EPRS1: variants seen among roughly 807,000 people sequenced by gnomAD.
EPRS1 encodes glutamyl-prolyl-tRNA synthetase 1.
In EPRS1, 107 loss-of-function variants were observed where a neutral mutation model predicts 188.3. The observed-to-expected ratio is 0.57, with a 90% CI of 0.49 to 0.67. EPRS1 has a LOEUF of 0.67. Ranked by LOEUF, EPRS1 falls within the 30% of genes least tolerant of loss-of-function variation. The probability of loss-of-function intolerance (pLI) is 0.00; values close to 1 mark genes in which losing one functional copy is unlikely to be tolerated. For missense variants in EPRS1, 1,577 were observed against 1,802.2 expected, an observed-to-expected ratio of 0.88 and a Z score of 2.26; for synonymous variants, 596 against 593.1, an observed-to-expected ratio of 1.00 and a Z score of -0.07.
In EPRS1 at chr1:220,020,109, T is replaced by A. The variant is rs1661840111; in HGVS notation, c.1228A>T (p.Ile410Phe). 2 of 1,613,978 alleles carry A rather than the reference T, an allele frequency of 1.2e-6. No homozygotes were observed. Among genetic ancestry groups the A allele is most frequent in the African/African-American group, 2.7e-5 (2 of 75,056 alleles). Residue 410 changes from isoleucine to phenylalanine, a missense_variant, in exon 10 of 32, where the codon ATT becomes TTT. Transcript: ENST00000366923. The stretch of plus-strand genomic sequence containing the variant: ...GGTTTTCTTATGCCTAAAGCTTCAA[T>A]AATCCAGTAAAACTGCTCATCTCTG... ...HDRDEQFYWI[I>F]EALGIRKPYI...
intron 18 of EPRS1, among the ~76,000 whole-genome samples, chr1:219,995,782 A>G (rs925944015): frequency 2.0e-5 from 3 of 152,194 alleles, no homozygotes; most frequent in African/African-American, 7.2e-5. Context: ...TCAAATATTC[A>G]TGAATCAAAG....
rs961524532 is a variant in EPRS1 at position 220,009,906 on chromosome 1, C to T, written c.1605+1040G>A. Among the ~76,000 whole-genome samples the T allele has an allele frequency of 2.0e-5, 3 of 151,692 alleles. No homozygotes were observed. In the East Asian group the frequency reaches 5.8e-4, roughly 30 times the overall value. On this transcript the variant is annotated intron_variant, in intron 13 of 31. Transcript: ENST00000366923. Reference sequence around the variant, plus strand: ...GCCAGGAGTTCAAGACCAGCCTGGCCGCCAACATGGCAAAACCCCATCTCT... The same window carrying T: ...GCCAGGAGTTCAAGACCAGCCTGGCTGCCAACATGGCAAAACCCCATCTCT...
Position 220,007,244 on chromosome 1 carries a change from G to A in EPRS1, c.1700C>T (p.Thr567Ile), listed in dbSNP as rs150678903. 15 of 1,613,672 alleles carry A rather than the reference G, an allele frequency of 9.3e-6. No homozygotes were observed. Among genetic ancestry groups the A allele is most frequent in the Non-Finnish European group, 1.2e-5 (14 of 1,179,818 alleles). The change falls in exon 14 of 32, where the codon ACA (threonine) becomes ATA (isoleucine). Residue 567 changes from threonine (T) to isoleucine (I), a missense_variant. Coordinates refer to ENST00000366923, the MANE Select transcript of EPRS1 (RefSeq NM_004446.3). ...GTTGAGGTTGCCCCAATTTATAAAT[G>A]TAACCATCTCACCCTCCGAAAAAGT... Reference protein sequence around the residue: ...AETFSEGEMVTFINWGNLNIT... With the variant: ...AETFSEGEMVIFINWGNLNIT...
Position 219,969,039 on chromosome 1 carries a change from G to A in EPRS1, c.4388+19C>T. On this transcript the variant is annotated intron_variant, in intron 31 of 31. Transcript: ENST00000366923. ...TCCATTGCAATTTTTCAAAAGTTTT[G>A]CCAGTTAATTAGGTTTACCTGGCAG... The A allele has an allele frequency of 6.2e-7, 1 of 1,612,178 alleles. No individual in the cohort carries two copies. Among genetic ancestry groups the A allele is most frequent in the Non-Finnish European group, 8.5e-7 (1 of 1,178,348 alleles).
intron 12 of EPRS1, chr1:220,018,050 C>G: frequency 1.3e-6 from 1 of 784,592 alleles, no homozygotes; most frequent in African/African-American, 1.8e-5. Flanking sequence ...TGCTTCAAAG[C>G]CATATAACAT....
intron 28 of EPRS1, among the ~76,000 whole-genome samples, chr1:219,974,726 T>C (rs1660743227): frequency 6.6e-6 from 1 of 152,202 alleles, no homozygotes; most frequent in Non-Finnish European, 1.5e-5. Context: ...TATTACATTA[T>C]TTTATTGCTT....
At chr1:219,969,231 C>T (rs1421974165) in intron 30 of EPRS1, 109 bp from the exon 31 acceptor site, 3 of 763,368 alleles carry the variant, frequency 3.9e-6, no homozygotes, top group Non-Finnish European at 6.6e-6. Flanking sequence ...GGATAGGTCT[C>T]CCAACCTTTT....
intron 30 of EPRS1, among the ~76,000 whole-genome samples, chr1:219,970,417 G>A (rs1201749148): frequency 3.1e-4 from 9 of 28,736 alleles, no homozygotes; most frequent in East Asian, 0.05. Flanking sequence ...ACAGAAAATC[G>A]TAAATAAAGT....
intron 18 of EPRS1, among the ~76,000 whole-genome samples, chr1:219,990,874 TGA>T (rs1365572870): frequency 1.3e-5 from 2 of 152,150 alleles, no homozygotes; most frequent in Non-Finnish European, 2.9e-5. Flanking sequence ...CAGCAGAAGC[TGA>T]GAGAGCATTG....
chr1:220,030,957 C>G (rs540509206), intron 5 of EPRS1, among the ~76,000 whole-genome samples: 1 of 151,770 alleles, frequency 6.6e-6, no homozygotes, highest in African/African-American at 2.4e-5. Context: ...CTGGGCCTGG[C>G]GGCGTGCACC....
intron 16 of EPRS1, among the ~76,000 whole-genome samples, chr1:220,004,696 T>G (rs1435357899): frequency 6.6e-6 from 1 of 152,048 alleles, no homozygotes; most frequent in Admixed American, 6.6e-5. Context: ...TTCACAAGAC[T>G]AAATCTCAGG....
chr1:219,976,309 T>C (rs1384562192), intron 28 of EPRS1, among the ~76,000 whole-genome samples: 2 of 152,152 alleles, frequency 1.3e-5, no homozygotes, highest in African/African-American at 2.4e-5. Context: ...TACTGCAGAC[T>C]GAAAGAGACT....
At chr1:219,989,676 T>C (rs1661081700) in intron 18 of EPRS1, among the ~76,000 whole-genome samples, 1 of 152,214 alleles carries the variant, frequency 6.6e-6, no homozygotes, top group Non-Finnish European at 1.5e-5. Context: ...ACCAATGGTA[T>C]ACCTTCACAA....
At chr1:219,987,481 C>T (rs1364433383) in intron 19 of EPRS1, 77 bp from the exon 20 acceptor site, 1 of 1,244,718 alleles carries the variant, frequency 8.0e-7, no homozygotes, top group Non-Finnish European at 1.1e-6. Flanking sequence ...TAAACAAATA[C>T]AATGCTCAAA....
chr1:219,990,552 A>G (rs1661100453), intron 18 of EPRS1, among the ~76,000 whole-genome samples: 1 of 152,202 alleles, frequency 6.6e-6, no homozygotes, highest in African/African-American at 2.4e-5. Flanking sequence ...CCCCAGAGTT[A>G]CACAATAAGT....
chr1:220,022,710 A>G (rs1335588574), intron 8 of EPRS1, among the ~76,000 whole-genome samples, 192 bp from the exon 9 acceptor site: 2 of 152,258 alleles, frequency 1.3e-5, no homozygotes, highest in Non-Finnish European at 2.9e-5. Context: ...GAAGTTTCAC[A>G]ATACATTTAG....
intron 18 of EPRS1, 107 bp from the exon 19 acceptor site, chr1:219,988,930 A>AC: frequency 1.5e-6 from 1 of 652,694 alleles, no homozygotes; most frequent in Non-Finnish European, 2.6e-6. Flanking sequence ...CCATAAGTTA[A>AC]TCATGGGGAA....
At chr1:220,033,464 A>C (rs778251104) in intron 4 of EPRS1, 38 bp downstream of exon 4, 2 of 1,465,776 alleles carry the variant, frequency 1.4e-6, no homozygotes, top group Non-Finnish European at 1.9e-6. Flanking sequence ...CAAAATATTA[A>C]ACGATTAAAA....
At chr1:220,019,121 T>C (rs765254460) in intron 10 of EPRS1, 42 bp from the exon 11 acceptor site, 3 of 1,158,374 alleles carry the variant, frequency 2.6e-6, no homozygotes, top group South Asian at 2.5e-5. Flanking sequence ...AATTTTGTAA[T>C]GTGTAGATGT....
Sources: allele counts gnomAD v4.1 joint callset (sites outside exome capture counted in the v4.1 genomes callset), GRCh38; gene constraint gnomAD v4.1.1; transcripts MANE v1.5; gene names NCBI Gene and HGNC (gene_info 2026-07-23, HGNC 2026-07-21).